Variants in THOC6 observed in about 807,000 individuals in gnomAD.
The protein encoded by THOC6 is THO complex 6.
In THOC6, 39 loss-of-function variants were observed where a neutral mutation model predicts 55.8. The observed-to-expected ratio is 0.70, with a 90% CI of 0.54 to 0.91. The LOEUF (loss-of-function observed/expected upper bound fraction) is 0.91, where lower values mean the gene tolerates loss of function less well. Among genes scored for constraint, THOC6 ranks in the 40% least tolerant of loss-of-function variants. THOC6 has a pLI of 0.00. For synonymous variants in THOC6, 192 were observed against 175.6 expected, an observed-to-expected ratio of 1.09 and a Z score of -0.74; for missense variants, 482 against 442.0, an observed-to-expected ratio of 1.09 and a Z score of -0.81.
chr16:3,025,607 G>T, intron 1 of THOC6, 101 bp from the exon 2 acceptor site: 2 of 1,091,382 alleles, frequency 1.8e-6, no homozygotes, highest in Non-Finnish European at 2.8e-6. Context: ...GAGAAGTCAG[G>T]ACAGTGGGAG....
At chr16:3,025,604 C>A in intron 1 of THOC6, 104 bp from the exon 2 acceptor site, 2 of 1,058,476 alleles carry the variant, frequency 1.9e-6, no homozygotes, top group South Asian at 2.8e-5. Flanking sequence ...GCTGAGAAGT[C>A]AGGACAGTGG....
chr16:3,027,720 T>C lies in THOC6; in HGVS notation c.*63T>C. The C allele has an allele frequency of 6.5e-7, 1 of 1,539,130 alleles. No homozygotes were observed. Among genetic ancestry groups the C allele is most frequent in the Admixed American group, 2.2e-5 (1 of 45,752 alleles). Reference sequence around the variant, plus strand: ...GTGTTTTTCATTTTCTTTTTTTTTTTTTTTTTACAATAAAGTTTCAGGCTT... The same window carrying C: ...GTGTTTTTCATTTTCTTTTTTTTTTCTTTTTTACAATAAAGTTTCAGGCTT... On this transcript the variant is annotated 3_prime_UTR_variant, in exon 13 of 13. Coordinates refer to ENST00000326266, the MANE Select transcript of THOC6 (RefSeq NM_024339.5).
chr16:3,024,171 C>T lies in THOC6; in HGVS notation c.-156C>T. On this transcript the variant is annotated 5_prime_UTR_variant, in exon 1 of 13. Transcript: ENST00000326266. ...CACTTCTTAATGTCGGGGGTCTTCG[C>T]GGCGCTCACCTCGGCTCCTAGGGTT... is the stretch of plus-strand genomic sequence containing the variant. 2 of 889,510 alleles carry T rather than the reference C, an allele frequency of 2.2e-6. No individual in the cohort carries two copies. Among genetic ancestry groups the T allele is most frequent in the East Asian group, 2.6e-5 (1 of 37,838 alleles). The allele number at this position is 889,510 out of a possible 1,614,324, so 55.1% of individuals were successfully genotyped here. A position where few individuals can be genotyped will look rare whatever the true frequency, so the allele number is the denominator to read the frequency against.
chr16:3,025,870 A>T, intron 2 of THOC6, 47 bp downstream of exon 2: 1 of 1,614,118 alleles, frequency 6.2e-7, no homozygotes, highest in Non-Finnish European at 8.5e-7. Flanking sequence ...CTTGGCCCTC[A>T]TGGGACGGAT....
Position 3,027,731 on chromosome 16 carries a change from TAAAGTTTCAGGC to T in THOC6, c.*75_*86del. 6.9e-7 allele frequency: 1 copy of T among 1,454,298 alleles called. No individual in the cohort carries two copies. Among genetic ancestry groups the T allele is most frequent in the Non-Finnish European group, 9.2e-7 (1 of 1,081,762 alleles). 90.1% of individuals were successfully genotyped at this position (1,454,298 alleles called of 1,614,324 possible). ...TTTCTTTTTTTTTTTTTTTTTACAA[TAAAGTTTCAGGC>T]TTTTTTACCATGCTCTTTCTTTCTA... On this transcript the variant is annotated 3_prime_UTR_variant, in exon 13 of 13. Transcript: ENST00000326266.
In THOC6 at chr16:3,024,077, G is replaced by A; in HGVS notation, c.-250G>A. ...CGCGGGCGCGGAAGACGGGCGGCGC[G>A]TGGCGGAAGGCAGGCTTGCTCCTCG... On this transcript the variant is annotated 5_prime_UTR_variant, in exon 1 of 13. The change creates a new upstream start codon in the 5' untranslated region. Coordinates refer to ENST00000326266, the MANE Select transcript of THOC6 (RefSeq NM_024339.5). 1 of 784,842 alleles carries A rather than the reference G, an allele frequency of 1.3e-6. No individual in the cohort carries two copies. Among genetic ancestry groups the A allele is most frequent in the East Asian group, 2.7e-5 (1 of 37,238 alleles). The allele number at this position is 784,842 out of a possible 1,614,324, so 48.6% of individuals were successfully genotyped here. A position where few individuals can be genotyped will look rare whatever the true frequency, so the allele number is the denominator to read the frequency against.
chr16:3,025,167 C>T (rs1432179776), intron 1 of THOC6, among the ~76,000 whole-genome samples: 1 of 152,022 alleles, frequency 6.6e-6, no homozygotes, highest in East Asian at 1.9e-4. Context: ...GTCTTGAACT[C>T]CTGACCTCAG....
intron 1 of THOC6, among the ~76,000 whole-genome samples, chr16:3,025,156 G>T (rs1340396642): frequency 1.3e-5 from 2 of 151,720 alleles, no homozygotes; most frequent in East Asian, 3.9e-4. Flanking sequence ...TGGTCAGGCT[G>T]GTCTTGAACT....
At position 3,025,722 on chromosome 16, in the gene THOC6, G is replaced by T. The variant is rs1384026003; in HGVS notation, c.54G>T (p.Gln18His). ...AVPLGQTEVFQALQRLHMTIF... is the reference protein window; with the variant it reads ...AVPLGQTEVFHALQRLHMTIF... ...TTTCCCTGCAGACAGAGGTGTTCCA[G>T]GCCTTGCAGCGGCTCCATATGACCA... Residue 18 changes from glutamine (Q) to histidine (H), a missense_variant, in exon 2 of 13, where the codon CAG (glutamine) becomes CAT (histidine). Gln to His is a conservative substitution (Grantham distance 24, BLOSUM62 0). Transcript: ENST00000326266. 2 of 1,614,030 alleles carry T rather than the reference G, an allele frequency of 1.2e-6. No individual in the cohort carries two copies. Among genetic ancestry groups the T allele is most frequent in the Admixed American group, 1.7e-5 (1 of 60,016 alleles).
chr16:3,024,295 C>T lies in THOC6; in HGVS notation c.-32C>T, dbSNP rs773535313. ...TAAGGCCTCGTGAGGTTGCGTCGCG[C>T]GCGGAGCACTCTGGGACTTGTAGTT... On this transcript the variant is annotated 5_prime_UTR_variant, in exon 1 of 13. Transcript: ENST00000326266. 2.2e-5 allele frequency: 35 copies of T among 1,613,900 alleles called. No individual in the cohort carries two copies. In the South Asian group the frequency reaches 3.3e-4, roughly 15 times the overall value.
rs775265023 is a variant in THOC6 at position 3,027,371 on chromosome 16, G to T, written c.816G>T (p.Leu272=). The change falls in exon 12 of 13, where the codon CTG becomes CTT. Residue 272 remains leucine (L), a synonymous_variant. Coordinates refer to ENST00000326266, the MANE Select transcript of THOC6 (RefSeq NM_024339.5). The stretch of plus-strand genomic sequence containing the variant: ...ACCTTCCCTGTCCTCTGCAGATTCT[G>T]TCAGCTGGCCAGGGCCGCTGCGTCA... The part of the protein sequence containing the change: ...KHVTFYQDLI[L]SAGQGRCVNQ... 1 of 1,613,014 alleles carries T rather than the reference G, an allele frequency of 6.2e-7. No homozygotes were observed. The highest frequency in any genetic ancestry group is 1.7e-5 in the Admixed American group (1 of 60,002).
chr16:3,024,931 G>A (rs999246877), intron 1 of THOC6, among the ~76,000 whole-genome samples: 12 of 143,522 alleles, frequency 8.4e-5, no homozygotes, highest in Non-Finnish European at 1.6e-4. Flanking sequence ...CACCACGCCC[G>A]GCCAAATTTT....
chr16:3,024,244 C>A lies in THOC6; in HGVS notation c.-83C>A. The A allele has an allele frequency of 2.5e-6, 4 of 1,576,106 alleles. No individual in the cohort carries two copies. The South Asian group carries it at 3.3e-5, about 13-fold the overall frequency. On this transcript the variant is annotated 5_prime_UTR_variant, in exon 1 of 13. Coordinates refer to ENST00000326266, the MANE Select transcript of THOC6 (RefSeq NM_024339.5). ...CTTCGCGCCGAAGGCGGTAGGGCGC[C>A]ACGGAGAGGAACCGCTCTAGGCACG...
Position 3,024,456 on chromosome 16 carries a change from G to C in THOC6, c.39+91G>C, listed in dbSNP as rs575500830. On this transcript the variant is annotated intron_variant, in intron 1 of 12. Transcript: ENST00000326266. ...GGCAGGGAATCGTGCCCTGAGCCCT[G>C]TTTTGCCTGGGCTATTTGTGGGACT... The C allele has an allele frequency of 1.2e-5, 18 of 1,530,266 alleles. No individual in the cohort carries two copies. In the East Asian group the frequency reaches 3.4e-4, roughly 29 times the overall value. 94.8% of individuals were successfully genotyped at this position (1,530,266 alleles called of 1,614,324 possible). A position where few individuals can be genotyped will look rare whatever the true frequency, so the allele number is the denominator to read the frequency against.
intron 1 of THOC6, 111 bp downstream of exon 1, chr16:3,024,476 G>T: frequency 7.2e-7 from 1 of 1,389,966 alleles, no homozygotes. Flanking sequence ...GGCTATTTGT[G>T]GGACTCAGAC....
chr16:3,024,187 T>C lies in THOC6; in HGVS notation c.-140T>C. 1 of 1,048,678 alleles carries C rather than the reference T, an allele frequency of 9.5e-7. No individual in the cohort carries two copies. 65.0% of individuals were successfully genotyped at this position (1,048,678 alleles called of 1,614,324 possible). A position where few individuals can be genotyped will look rare whatever the true frequency, so the allele number is the denominator to read the frequency against. On this transcript the variant is annotated 5_prime_UTR_variant, in exon 1 of 13. Transcript: ENST00000326266. ...GGGTCTTCGCGGCGCTCACCTCGGCTCCTAGGGTTCGGGACGGTACGCACC... is the reference window on the plus strand; with the variant it reads ...GGGTCTTCGCGGCGCTCACCTCGGCCCCTAGGGTTCGGGACGGTACGCACC...
rs370817021 is a variant in THOC6, at chr16:3,026,150, C to T, written c.308C>T (p.Ala103Val). The T allele has an allele frequency of 3.9e-5, 63 of 1,608,046 alleles. No homozygotes were observed. The highest frequency in any genetic ancestry group is 8.9e-5 in the East Asian group (4 of 44,776). Residue 103 changes from alanine (A) to valine (V), a missense_variant, in exon 4 of 13, where the codon GCG (alanine) becomes GTG (valine). Coordinates refer to ENST00000326266, the MANE Select transcript of THOC6 (RefSeq NM_024339.5). Reference protein sequence around the residue: ...GDGEVKAWLWAEMLKKGCKEL... With the variant: ...GDGEVKAWLWVEMLKKGCKEL... ...GGGGAGGTGAAGGCCTGGCTTTGGG[C>T]GGAGATGCTCAAGAAGGTAAGGAGT...
rs781382248 is a variant in THOC6, at chr16:3,027,408, C to T, written c.853C>T (p.Leu285=). 40 of 1,612,530 alleles carry T rather than the reference C, an allele frequency of 2.5e-5. No individual in the cohort carries two copies. Among genetic ancestry groups the T allele is most frequent in the Non-Finnish European group, 3.3e-5 (39 of 1,179,576 alleles). ...GQGRCVNQWQ[L]SGELKAQVPG... ...GGGCCGCTGCGTCAACCAGTGGCAG[C>T]TGAGCGGGGAGCTGAAGGCCCAGGT... Residue 285 remains leucine, a synonymous_variant, in exon 12 of 13, where the codon CTG becomes TTG. Coordinates refer to ENST00000326266, the MANE Select transcript of THOC6 (RefSeq NM_024339.5).
At chr16:3,027,310 C>T (rs779308065) in intron 11 of THOC6, 30 bp downstream of exon 11, 3 of 1,614,180 alleles carry the variant, frequency 1.9e-6, no homozygotes, top group Admixed American at 1.7e-5. Flanking sequence ...TTCTGCCACC[C>T]CCACTGACTC....
Sources: allele counts gnomAD v4.1 joint callset (sites outside exome capture counted in the v4.1 genomes callset), GRCh38; gene constraint gnomAD v4.1.1; transcripts MANE v1.5; gene names NCBI Gene and HGNC (gene_info 2026-07-23, HGNC 2026-07-21).